The following DNER variants were observed in gnomAD, a reference collection of about 807,000 sequenced individuals.
DNER encodes the protein delta and Notch-like epidermal growth factor-related receptor.
In DNER, 33 loss-of-function variants were observed where a neutral mutation model predicts 78.2. The ratio of observed to expected loss-of-function variants is 0.42; its 90% confidence interval spans 0.32 to 0.56. The LOEUF is 0.56. DNER is among the 20% of genes least tolerant of loss of function. The pLI, the probability that DNER is intolerant of heterozygous loss-of-function variation, is 0.11. For synonymous variants in DNER, 417 were observed against 384.8 expected, an observed-to-expected ratio of 1.08 and a Z score of -0.98; for missense variants, 918 against 975.3, an observed-to-expected ratio of 0.94 and a Z score of 0.78.
intron 1 of DNER, among the ~76,000 whole-genome samples, chr2:229,658,043 A>T: frequency 6.6e-6 from 1 of 152,244 alleles, no homozygotes; most frequent in East Asian, 1.9e-4. Context: ...AATTGAACAG[A>T]ATGCTGCTGA....
rs546928250 is a variant in DNER at position 229,663,251 on chromosome 2, A to G, written c.276+50897T>C. Among the ~76,000 whole-genome samples, 43 of 152,334 alleles carry G rather than the reference A, an allele frequency of 2.8e-4. 1 individual carries two copies. The Middle Eastern group carries it at 0.01, about 36-fold the overall frequency. ...GAGAATGTAACAGAATAGAAAATGCAGGCTTCCTCCCAATAAAACCACTAT... is the reference window on the plus strand; with the variant it reads ...GAGAATGTAACAGAATAGAAAATGCGGGCTTCCTCCCAATAAAACCACTAT... On this transcript the variant is annotated intron_variant, in intron 1 of 12. Transcript: ENST00000341772.
chr2:229,583,412 A>T (rs1023501270), intron 4 of DNER, among the ~76,000 whole-genome samples: 1 of 152,248 alleles, frequency 6.6e-6, no homozygotes, highest in Non-Finnish European at 1.5e-5. Flanking sequence ...TGAATATCTT[A>T]TACAACTTAT....
chr2:229,599,380 A>G (rs1310367591), intron 1 of DNER, among the ~76,000 whole-genome samples: 1 of 152,224 alleles, frequency 6.6e-6, no homozygotes, highest in African/African-American at 2.4e-5. Context: ...GAACAAAAAC[A>G]ATAGCCTTAA....
intron 4 of DNER, among the ~76,000 whole-genome samples, chr2:229,563,728 A>ATCT (rs1697024722): frequency 2.9e-5 from 4 of 139,186 alleles, no homozygotes; most frequent in African/African-American, 2.7e-5. Flanking sequence ...CACCATCATC[A>ATCT]TCATCACCCC....
chr2:229,681,946 C>A (rs1329693472), intron 1 of DNER, among the ~76,000 whole-genome samples: 1 of 151,686 alleles, frequency 6.6e-6, no homozygotes, highest in Non-Finnish European at 1.5e-5. Flanking sequence ...ATCTCAAGAA[C>A]TAGAAGCAGG....
At chr2:229,452,508 C>T (rs1046993270) in intron 7 of DNER, among the ~76,000 whole-genome samples, 7 of 152,102 alleles carry the variant, frequency 4.6e-5, no homozygotes, top group Admixed American at 6.5e-5. Flanking sequence ...AAAAGACGGC[C>T]GCCATAACCT....
In DNER at chr2:229,687,939, G is replaced by C. The variant is rs566382313; in HGVS notation, c.276+26209C>G. 2.6e-5 allele frequency among the ~76,000 whole-genome samples: 4 copies of C among 152,202 alleles called. No individual in the cohort carries two copies. In the South Asian group the frequency reaches 8.3e-4, roughly 32 times the overall value. On this transcript the variant is annotated intron_variant, in intron 1 of 12. Transcript: ENST00000341772. ...TCTTCCTGTCCCCTTGATCTGGCTG[G>C]TAATTAAAGTTGGCCAGCAAGTGTT...
intron 8 of DNER, among the ~76,000 whole-genome samples, chr2:229,422,608 G>A (rs938607647): frequency 6.6e-6 from 1 of 152,126 alleles, no homozygotes; most frequent in Non-Finnish European, 1.5e-5. Flanking sequence ...GGAAAAACAG[G>A]CTTAGAAGAA....
At chr2:229,492,093 C>A in intron 6 of DNER, among the ~76,000 whole-genome samples, 1 of 152,174 alleles carries the variant, frequency 6.6e-6, no homozygotes, top group East Asian at 1.9e-4. Context: ...ATGACTTCCA[C>A]GAGCACAGGG....
At chr2:229,520,717 C>G (rs1304895063) in intron 5 of DNER, among the ~76,000 whole-genome samples, 1 of 152,118 alleles carries the variant, frequency 6.6e-6, no homozygotes, top group African/African-American at 2.4e-5. Flanking sequence ...CTGGCTCTTC[C>G]CCATGGAATC....
intron 1 of DNER, among the ~76,000 whole-genome samples, chr2:229,623,286 G>T (rs1381972065): frequency 6.6e-6 from 1 of 152,080 alleles, no homozygotes; most frequent in East Asian, 1.9e-4. Flanking sequence ...TCCATAAGTG[G>T]TTAAGAACCA....
intron 6 of DNER, among the ~76,000 whole-genome samples, chr2:229,509,775 A>T (rs1028335143): frequency 6.6e-6 from 1 of 152,204 alleles, no homozygotes; most frequent in Non-Finnish European, 1.5e-5. Flanking sequence ...AGATCATGCC[A>T]CTGCATTCCA....
chr2:229,680,722 A>G (rs1258730707), intron 1 of DNER, among the ~76,000 whole-genome samples: 1 of 152,238 alleles, frequency 6.6e-6, no homozygotes, highest in Non-Finnish European at 1.5e-5. Context: ...GACAAAACTA[A>G]TGATTGCCTT....
chr2:229,403,924 G>C (rs572146642), intron 10 of DNER, among the ~76,000 whole-genome samples: 1 of 152,262 alleles, frequency 6.6e-6, no homozygotes, highest in African/African-American at 2.4e-5. Flanking sequence ...ATTATGTTAA[G>C]GACTTTGATC....
chr2:229,394,018 T>C (rs1025031758), intron 10 of DNER, among the ~76,000 whole-genome samples: 1 of 152,174 alleles, frequency 6.6e-6, no homozygotes, highest in African/African-American at 2.4e-5. Flanking sequence ...TGATGAAAAC[T>C]GTAACCACAG....
At chr2:229,455,724 G>A (rs1456137820) in intron 7 of DNER, among the ~76,000 whole-genome samples, 1 of 152,072 alleles carries the variant, frequency 6.6e-6, no homozygotes, top group Non-Finnish European at 1.5e-5. Context: ...AGGCTCGAAA[G>A]GACAATCTGC....
chr2:229,696,169 G>C (rs962437580), intron 1 of DNER, among the ~76,000 whole-genome samples: 2 of 152,062 alleles, frequency 1.3e-5, no homozygotes, highest in African/African-American at 4.8e-5. Flanking sequence ...AAGCACAGGG[G>C]GTCCCACCCC....
chr2:229,483,427 T>C (rs1474256970), intron 6 of DNER, among the ~76,000 whole-genome samples: 1 of 152,240 alleles, frequency 6.6e-6, no homozygotes, highest in African/African-American at 2.4e-5. Flanking sequence ...ATGCAAAGAA[T>C]GTGTGATGAT....
intron 6 of DNER, among the ~76,000 whole-genome samples, chr2:229,496,972 G>C (rs1390223565): frequency 6.6e-6 from 1 of 152,086 alleles, no homozygotes; most frequent in Non-Finnish European, 1.5e-5. Flanking sequence ...TATATACAGA[G>C]CATTCCACCC....
Sources: gnomAD v4.1 joint callset for allele counts (sites outside exome capture counted in the v4.1 genomes callset) on GRCh38, gnomAD v4.1.1 for gene constraint, MANE v1.5 for transcripts, NCBI Gene and HGNC (gene_info 2026-07-23, HGNC 2026-07-21) for gene names.